NR2F1-AS1: variants seen among roughly 807,000 people sequenced by gnomAD.
NR2F1-AS1 encodes the protein NR2F1 antisense RNA 1.
chr5:93,521,893 T>C (rs968751903), intron 4 of NR2F1-AS1, among the ~76,000 whole-genome samples: 2 of 152,280 alleles, frequency 1.3e-5, no homozygotes, highest in African/African-American at 4.8e-5. Context: ...TTCTACCATA[T>C]AGACACATGC....
At chr5:93,491,103 T>A (rs1479855651) in intron 4 of NR2F1-AS1, among the ~76,000 whole-genome samples, 1 of 150,418 alleles carries the variant, frequency 6.6e-6, no homozygotes, top group African/African-American at 2.5e-5. Context: ...GTTGTAGTCA[T>A]GCTGGTGATG....
intron 4 of NR2F1-AS1, among the ~76,000 whole-genome samples, chr5:93,529,174 G>A (rs1482096492): frequency 6.6e-6 from 1 of 152,124 alleles, no homozygotes; most frequent in Non-Finnish European, 1.5e-5. Flanking sequence ...CTCACATAAT[G>A]CAAATGACAG....
chr5:93,578,523 C>G (rs1230655276), intron 1 of NR2F1-AS1, among the ~76,000 whole-genome samples: 1 of 152,062 alleles, frequency 6.6e-6, no homozygotes, highest in African/African-American at 2.4e-5. Context: ...TTCCCAGACC[C>G]GCCAAACCGA....
At chr5:93,519,108 T>C (rs1306451986) in intron 4 of NR2F1-AS1, among the ~76,000 whole-genome samples, 2 of 152,092 alleles carry the variant, frequency 1.3e-5, no homozygotes, top group Non-Finnish European at 2.9e-5. Context: ...TGACATACTT[T>C]CTCTCATACC....
intron 4 of NR2F1-AS1, among the ~76,000 whole-genome samples, chr5:93,517,523 C>G (rs1241210220): frequency 6.6e-6 from 1 of 151,824 alleles, no homozygotes; most frequent in Non-Finnish European, 1.5e-5. Flanking sequence ...TTGTATGTCT[C>G]AGAGTATAAT....
intron 4 of NR2F1-AS1, among the ~76,000 whole-genome samples, chr5:93,538,329 C>T (rs572812908): frequency 1.1e-4 from 17 of 152,060 alleles, no homozygotes; most frequent in African/African-American, 4.1e-4. Context: ...AAAAAATTAG[C>T]CATGCATGGT....
chr5:93,499,870 G>C (rs1001300694), intron 4 of NR2F1-AS1, among the ~76,000 whole-genome samples: 16 of 152,206 alleles, frequency 1.1e-4, no homozygotes, highest in Admixed American at 5.9e-4. Flanking sequence ...TAGGGGCCTG[G>C]ATAGAAGATC....
chr5:93,502,125 C>T (rs556944313), intron 4 of NR2F1-AS1, among the ~76,000 whole-genome samples: 6 of 152,072 alleles, frequency 3.9e-5, no homozygotes, highest in African/African-American at 1.4e-4. Context: ...TTCTACTGCA[C>T]ATATATAAAT....
intron 2 of NR2F1-AS1, among the ~76,000 whole-genome samples, chr5:93,562,371 A>G (rs1752512452): frequency 6.6e-6 from 1 of 152,148 alleles, no homozygotes; most frequent in African/African-American, 2.4e-5. Flanking sequence ...AGCTCACTGC[A>G]GCCTTGACCT....
rs1489855961 is a variant in NR2F1-AS1 at position 93,575,724 on chromosome 5, C to T, written n.313+4743G>A. On this transcript the variant is annotated intron_variant and non_coding_transcript_variant, in intron 1 of 5. Transcript: ENST00000660523. The stretch of plus-strand genomic sequence containing the variant: ...TGTCCATTGTGTTCTTAATTGTTTG[C>T]TTTTTTTTTTCAGTACTTAAATATG... Among the ~76,000 whole-genome samples the T allele has an allele frequency of 2.0e-5, 3 of 148,860 alleles. No homozygotes were observed. In the Admixed American group the frequency reaches 2.0e-4, roughly 10 times the overall value.
chr5:93,533,670 C>G (rs1171988379), intron 4 of NR2F1-AS1, among the ~76,000 whole-genome samples: 3 of 152,026 alleles, frequency 2.0e-5, no homozygotes, highest in African/African-American at 7.3e-5. Context: ...CACTTTACAT[C>G]GATTAGCTGA....
At chr5:93,542,677 C>T (rs1279657603) in intron 4 of NR2F1-AS1, 2 of 152,172 alleles carry the variant, frequency 1.3e-5, no homozygotes, top group African/African-American at 2.4e-5. Flanking sequence ...AAGTAAAAAA[C>T]CCAAGTTTAC....
chr5:93,471,921 C>G (rs1336794280), intron 4 of NR2F1-AS1, among the ~76,000 whole-genome samples: 2 of 151,818 alleles, frequency 1.3e-5, no homozygotes. Context: ...TCACTAGGGA[C>G]AGTTAATACA....
At chr5:93,423,210 G>A (rs1283615217) in intron 4 of NR2F1-AS1, 1 of 152,184 alleles carries the variant, frequency 6.6e-6, no homozygotes, top group African/African-American at 2.4e-5. Flanking sequence ...TCACGTCTGA[G>A]GAAACTGCTG....
At chr5:93,486,416 C>A (rs1011889839) in intron 4 of NR2F1-AS1, among the ~76,000 whole-genome samples, 5 of 151,886 alleles carry the variant, frequency 3.3e-5, no homozygotes, top group African/African-American at 1.2e-4. Flanking sequence ...GGTGATATCA[C>A]CACTGATCCC....
chr5:93,447,637 G>T (rs1166311792), intron 4 of NR2F1-AS1, among the ~76,000 whole-genome samples: 1 of 152,186 alleles, frequency 6.6e-6, no homozygotes, highest in Non-Finnish European at 1.5e-5. Flanking sequence ...CATTGTGGAA[G>T]ACAGTGTGGC....
chr5:93,439,885 T>C (rs1363917854), intron 4 of NR2F1-AS1, among the ~76,000 whole-genome samples: 2 of 152,206 alleles, frequency 1.3e-5, no homozygotes, highest in African/African-American at 2.4e-5. Context: ...CAGCATTTAG[T>C]ACACAGTATT....
rs571484580 is a variant in NR2F1-AS1, at chr5:93,548,846, G to A, written n.638+4915C>T. On this transcript the variant is annotated intron_variant and non_coding_transcript_variant, in intron 4 of 5. Transcript: ENST00000660523. ...AGACCATGCCACCACACTCCAGCCTGGATGATAAGAGTGAGAATCTGCCTC... is the reference window on the plus strand; with the variant it reads ...AGACCATGCCACCACACTCCAGCCTAGATGATAAGAGTGAGAATCTGCCTC... Among the ~76,000 whole-genome samples the A allele has an allele frequency of 9.9e-5, 15 of 152,204 alleles. No homozygotes were observed. In the South Asian group the frequency reaches 3.1e-3, roughly 32 times the overall value.
intron 4 of NR2F1-AS1, among the ~76,000 whole-genome samples, chr5:93,437,802 T>C (rs1749475024): frequency 6.6e-6 from 1 of 152,254 alleles, no homozygotes; most frequent in East Asian, 1.9e-4. Context: ...ATATATTTTA[T>C]TGTTTTATTA....
Sources: allele counts gnomAD v4.1 joint callset (sites outside exome capture counted in the v4.1 genomes callset), GRCh38; gene constraint gnomAD v4.1.1; transcripts MANE v1.5; gene names NCBI Gene and HGNC (gene_info 2026-07-23, HGNC 2026-07-21).